Variants in IFT81 observed in about 807,000 individuals in gnomAD.
IFT81 encodes intraflagellar transport protein 81 homolog.
IFT81 carries 72 observed loss-of-function variants against 102.6 expected under a neutral mutation model. The ratio of observed to expected loss-of-function variants is 0.70; its 90% CI spans 0.58 to 0.85. IFT81 has a LOEUF of 0.85. Among genes scored for constraint, IFT81 ranks in the 40% least tolerant of loss-of-function variants. The pLI is 0.00. For synonymous variants in IFT81, 237 were observed against 242.7 expected (o/e 0.98, Z 0.22); for missense variants, 723 against 787.3 (o/e 0.92, Z 0.98).
chr12:110,131,041 G>A (rs2137303147), intron 4 of IFT81, among the ~76,000 whole-genome samples: 1 of 152,156 alleles, frequency 6.6e-6, no homozygotes, highest in South Asian at 2.1e-4. Flanking sequence ...CTAGCACTTT[G>A]GGAGGCCAAG....
Position 110,184,040 on chromosome 12 carries a change from T to G in IFT81, c.1338+3469T>G, listed in dbSNP as rs377335237. The stretch of plus-strand genomic sequence containing the variant: ...AAAGCCCTTAAGGAGGTTCTCTAAC[T>G]TGATCACTTTGCTTTAAATTACAAA... On this transcript the variant is annotated intron_variant, in intron 12 of 18. Transcript: ENST00000242591. Among the ~76,000 whole-genome samples, 14 of 152,302 alleles carry G rather than the reference T, an allele frequency of 9.2e-5. 1 individual carries two copies. Among genetic ancestry groups the G allele is most frequent in the African/African-American group, 3.1e-4 (13 of 41,574 alleles).
intron 9 of IFT81, 116 bp from the exon 10 acceptor site, chr12:110,146,837 C>G (rs952923580): frequency 1.1e-5 from 14 of 1,273,940 alleles, no homozygotes; most frequent in African/African-American, 1.5e-5. Flanking sequence ...AAACTGAGAC[C>G]TTGTCTTTAA....
chr12:110,155,321 T>G (rs1895778616), intron 10 of IFT81, among the ~76,000 whole-genome samples: 1 of 151,586 alleles, frequency 6.6e-6, no homozygotes, highest in Non-Finnish European at 1.5e-5. Context: ...CTTGGGGGGT[T>G]TTTTTTGAGA....
At chr12:110,176,766 A>T (rs1345098705) in intron 11 of IFT81, among the ~76,000 whole-genome samples, 3 of 152,248 alleles carry the variant, frequency 2.0e-5, no homozygotes, top group African/African-American at 7.2e-5. Flanking sequence ...TCCATTAGTT[A>T]TTATATATAA....
chr12:110,213,969 T>G (rs1386559660), intron 18 of IFT81, among the ~76,000 whole-genome samples: 1 of 152,132 alleles, frequency 6.6e-6, no homozygotes, highest in African/African-American at 2.4e-5. Flanking sequence ...AACCTGAAAT[T>G]AGCCATTTCT....
chr12:110,215,550 T>A (rs1869995372), intron 18 of IFT81, among the ~76,000 whole-genome samples: 1 of 142,276 alleles, frequency 7.0e-6, no homozygotes, highest in Non-Finnish European at 1.5e-5. Flanking sequence ...CAGCCTTGAG[T>A]TCCCAGGCTC....
At position 110,136,820 on chromosome 12, in the gene IFT81, G is replaced by A; in HGVS notation, c.741G>A (p.Leu247=). ...VQRLQRVQNQ[L]KSMRQAAADA... is the part of the protein sequence containing the mutation. ...GATTGCAAAGAGTACAAAACCAGCT[G>A]AAAAGCATGCGCCAAGCTGCAGCAG... The change falls in exon 8 of 19, where the codon CTG becomes CTA. Residue 247 remains leucine (L), a synonymous_variant. Coordinates refer to ENST00000242591, the MANE Select transcript of IFT81 (RefSeq NM_014055.4). 1 of 1,612,922 alleles carries A rather than the reference G, an allele frequency of 6.2e-7. No individual in the cohort carries two copies.
At chr12:110,176,142 A>G (rs1046516271) in intron 11 of IFT81, among the ~76,000 whole-genome samples, 1 of 151,662 alleles carries the variant, frequency 6.6e-6, no homozygotes, top group Non-Finnish European at 1.5e-5. Flanking sequence ...ATCATTGCAT[A>G]TCCTTGGCCA....
At position 110,191,059 on chromosome 12, in the gene IFT81, T is replaced by A. The variant is rs1416659844; in HGVS notation, c.1467+11T>A. 1 of 1,588,782 alleles carries A rather than the reference T, an allele frequency of 6.3e-7. No individual in the cohort carries two copies. The highest frequency in any genetic ancestry group is 1.4e-5 in the African/African-American group (1 of 73,628). On this transcript the variant is annotated intron_variant, in intron 13 of 18. Transcript: ENST00000242591. ...GATATGTCTGAAATGGTGATGATAC[T>A]TTTATTTAAATTTTCTTTTATTGTG...
At position 110,197,555 on chromosome 12, in the gene IFT81, C is replaced by CATATATATATATAT. The variant is rs141544205; in HGVS notation, c.1557+4865_1557+4878dup. 4.2e-4 allele frequency among the ~76,000 whole-genome samples: 46 copies of CATATATATATATAT among 108,800 alleles called. 1 individual carries two copies. Among genetic ancestry groups the CATATATATATATAT allele is most frequent in the Middle Eastern group, 9.8e-3 (2 of 204 alleles). The allele number at this position is 108,800 out of a possible 152,430, so 71.4% of individuals were successfully genotyped here. On this transcript the variant is annotated intron_variant, in intron 14 of 18. Transcript: ENST00000242591. ...ATATTATTTATTCTTAGGTTTTTAT[C>CATATATATATATAT]ATATATATATATATATATATATATA...
intron 12 of IFT81, among the ~76,000 whole-genome samples, chr12:110,184,146 C>T (rs1304682658): frequency 1.3e-5 from 2 of 152,074 alleles, no homozygotes; most frequent in Non-Finnish European, 2.9e-5. Context: ...GTCAGGAGAT[C>T]GAGACCATCT....
intron 10 of IFT81, among the ~76,000 whole-genome samples, chr12:110,154,192 C>T (rs1255132965): frequency 6.7e-6 from 1 of 148,348 alleles, no homozygotes; most frequent in Non-Finnish European, 1.5e-5. Context: ...ACCATCTTGG[C>T]CAGTCTGGTC....
chr12:110,205,330 G>A, intron 15 of IFT81, 113 bp from the exon 16 acceptor site: 1 of 1,161,656 alleles, frequency 8.6e-7, no homozygotes, highest in South Asian at 1.9e-5. Flanking sequence ...AGTTAAAATT[G>A]CAGAAGAGGA....
chr12:110,128,275 A>C, intron 3 of IFT81, 126 bp downstream of exon 3: 1 of 618,716 alleles, frequency 1.6e-6, no homozygotes, highest in Non-Finnish European at 2.9e-6. Context: ...AACATCACTG[A>C]GTTTCAAAAT....
chr12:110,184,458 T>C (rs557204530), intron 12 of IFT81, among the ~76,000 whole-genome samples: 2 of 152,344 alleles, frequency 1.3e-5, no homozygotes, highest in Non-Finnish European at 1.5e-5. Context: ...ATAGTCCTTA[T>C]AGTTACTATT....
At chr12:110,170,888 G>C (rs181012447) in intron 11 of IFT81, among the ~76,000 whole-genome samples, 2 of 152,288 alleles carry the variant, frequency 1.3e-5, no homozygotes, top group East Asian at 3.9e-4. Flanking sequence ...AAATCTTAGA[G>C]CTAAATTGGA....
At chr12:110,150,537 C>G (rs1895469565) in intron 10 of IFT81, among the ~76,000 whole-genome samples, 1 of 152,174 alleles carries the variant, frequency 6.6e-6, no homozygotes, top group African/African-American at 2.4e-5. Context: ...AATCTCACAT[C>G]TTTTTCCTTA....
chr12:110,178,414 C>CAA (rs75333089), intron 11 of IFT81, among the ~76,000 whole-genome samples: 190 of 58,002 alleles, frequency 3.3e-3, no homozygotes, highest in African/African-American at 0.012. Flanking sequence ...GACTCCATCT[C>CAA]AAAAAAAAAA....
intron 3 of IFT81, 110 bp downstream of exon 3, chr12:110,128,259 C>T: frequency 1.5e-6 from 1 of 664,636 alleles, no homozygotes; most frequent in Non-Finnish European, 2.7e-6. Context: ...CATTTGATGG[C>T]CTGAGAACAT....
Sources: gnomAD v4.1 joint callset for allele counts (sites outside exome capture counted in the v4.1 genomes callset) on GRCh38, gnomAD v4.1.1 for gene constraint, MANE v1.5 for transcripts, NCBI Gene and HGNC (gene_info 2026-07-23, HGNC 2026-07-21) for gene names.